The following LZTS1 variants were observed in gnomAD, a reference collection of about 807,000 sequenced individuals.
The protein encoded by LZTS1 is leucine zipper putative tumor suppressor 1.
A neutral mutation model predicts 45.8 loss-of-function variants in LZTS1; 31 were observed. The observed-to-expected ratio is 0.68, with a 90% CI of 0.51 to 0.91. The LOEUF is 0.91. Ranked by LOEUF, LZTS1 falls within the 40% of genes least tolerant of loss-of-function variation. The pLI is 0.00. For synonymous variants in LZTS1, 359 were observed against 357.3 expected, an observed-to-expected ratio of 1.00 and a Z score of -0.05; for missense variants, 821 against 788.9, an observed-to-expected ratio of 1.04 and a Z score of -0.49.
At chr8:20,295,504 C>T (rs574616023) in intron 1 of LZTS1, among the ~76,000 whole-genome samples, 7 of 152,302 alleles carry the variant, frequency 4.6e-5, no homozygotes, top group East Asian at 3.9e-4. Flanking sequence ...TGGGCCTTAG[C>T]GCCATCCATC....
At position 20,255,196 on chromosome 8, in the gene LZTS1, G is replaced by A. The variant is rs750096933; in HGVS notation, c.-15C>T. 2.5e-6 allele frequency: 4 copies of A among 1,605,048 alleles called. No homozygotes were observed. The highest frequency in any genetic ancestry group is 2.2e-5 in the East Asian group (1 of 44,798). The stretch of plus-strand genomic sequence containing the variant: ...ACGCTGCCCATGGTGACTCGGGGCT[G>A]AGGATGGGGCAGGGCCGGGCAGGGT... On this transcript the variant is annotated 5_prime_UTR_variant, in exon 2 of 4. Coordinates refer to ENST00000381569, the MANE Select transcript of LZTS1 (RefSeq NM_021020.5).
chr8:20,269,475 T>G (rs182350584), intron 1 of LZTS1, among the ~76,000 whole-genome samples: 1 of 152,288 alleles, frequency 6.6e-6, no homozygotes, highest in East Asian at 1.9e-4. Flanking sequence ...TGGGCACCCC[T>G]GGAAGGTGAA....
intron 1 of LZTS1, among the ~76,000 whole-genome samples, chr8:20,274,566 G>T (rs764381175): frequency 1.1e-4 from 17 of 152,180 alleles, no homozygotes; most frequent in Non-Finnish European, 2.2e-4. Flanking sequence ...GGGCCTGAGT[G>T]TTAGACCCCC....
At chr8:20,273,780 T>A (rs80279935) in intron 1 of LZTS1, among the ~76,000 whole-genome samples, 1,015 of 36,016 alleles carry the variant, frequency 0.028, 11 homozygotes, top group South Asian at 0.09. Flanking sequence ...TTATATTTGT[T>A]TTTTTTTTTC....
At chr8:20,286,711 A>G (rs66746853) in intron 1 of LZTS1, among the ~76,000 whole-genome samples, 53,527 of 152,116 alleles carry the variant, frequency 0.35, 10,241 homozygotes, top group Admixed American at 0.46. Context: ...AAGAGTCCCA[A>G]ACTCAAAATA....
chr8:20,291,176 A>C (rs1055970613), intron 1 of LZTS1, among the ~76,000 whole-genome samples: 2 of 152,218 alleles, frequency 1.3e-5, no homozygotes, highest in Non-Finnish European at 2.9e-5. Flanking sequence ...ATAGATGGAG[A>C]TCCAGAGTGA....
At chr8:20,252,012 C>T (rs553324729) in intron 3 of LZTS1, among the ~76,000 whole-genome samples, 6 of 152,198 alleles carry the variant, frequency 3.9e-5, no homozygotes, top group Admixed American at 6.5e-5. Flanking sequence ...GAGGCAGGCA[C>T]GTGGACAGAC....
intron 1 of LZTS1, among the ~76,000 whole-genome samples, chr8:20,258,589 T>G (rs7828160): frequency 6.6e-6 from 1 of 152,160 alleles, no homozygotes; most frequent in Non-Finnish European, 1.5e-5. Context: ...AAGCTTTTAT[T>G]GAATTGATGG....
intron 1 of LZTS1, among the ~76,000 whole-genome samples, chr8:20,291,136 A>G (rs1403081288): frequency 5.3e-5 from 8 of 152,240 alleles, no homozygotes; most frequent in East Asian, 1.9e-4. Flanking sequence ...ATAGGCTTTC[A>G]ATCTATTTTA....
intron 1 of LZTS1, among the ~76,000 whole-genome samples, chr8:20,284,698 A>G (rs889771256): frequency 2.6e-5 from 4 of 151,838 alleles, no homozygotes; most frequent in Admixed American, 1.3e-4. Context: ...TCTGCTCCCT[A>G]CCTTGGGGCC....
intron 1 of LZTS1, among the ~76,000 whole-genome samples, chr8:20,274,571 AC>A (rs1289346763): frequency 1.1e-4 from 16 of 151,924 alleles, no homozygotes; most frequent in Admixed American, 1.1e-3. Flanking sequence ...TGAGTGTTAG[AC>A]CCCCCTTATG....
At position 20,265,857 on chromosome 8, in the gene LZTS1, T is replaced by A. The variant is rs142832626; in HGVS notation, c.-134-10542A>T. 5.0e-3 allele frequency among the ~76,000 whole-genome samples: 766 copies of A among 152,078 alleles called. 1 individual carries two copies. The highest frequency in any genetic ancestry group is 9.1e-3 in the Non-Finnish European group (616 of 67,992). On this transcript the variant is annotated intron_variant, in intron 1 of 3. Coordinates refer to ENST00000381569, the MANE Select transcript of LZTS1 (RefSeq NM_021020.5). Reference sequence around the variant, plus strand: ...CCACAGTTGCTCCTCAGTGCTCAGCTCCCTTGGCCCTCAGCCTGCACAGCT... The same window carrying A: ...CCACAGTTGCTCCTCAGTGCTCAGCACCCTTGGCCCTCAGCCTGCACAGCT...
chr8:20,277,371 T>C (rs768228481), intron 1 of LZTS1, among the ~76,000 whole-genome samples: 3 of 152,212 alleles, frequency 2.0e-5, no homozygotes, highest in African/African-American at 7.2e-5. Flanking sequence ...CCCCTTTTTT[T>C]AGCATATAAT....
At chr8:20,255,395 G>T (rs1800073792) in intron 1 of LZTS1, 80 bp from the exon 2 acceptor site, 1 of 1,039,764 alleles carries the variant, frequency 9.6e-7, no homozygotes, top group Admixed American at 3.0e-5. Context: ...CCAGATCTGG[G>T]CAGTAGAGAA....
intron 1 of LZTS1, among the ~76,000 whole-genome samples, chr8:20,281,431 C>T (rs1021893294): frequency 2.6e-5 from 4 of 151,600 alleles, no homozygotes; most frequent in East Asian, 1.9e-4. Context: ...AAATTAGCTG[C>T]GCATTGTGGT....
intron 1 of LZTS1, among the ~76,000 whole-genome samples, chr8:20,266,544 G>C (rs946647840): frequency 1.3e-5 from 2 of 151,820 alleles, no homozygotes; most frequent in Non-Finnish European, 2.9e-5. Context: ...TCACCTGGGG[G>C]AAGTGCATCC....
chr8:20,268,603 C>G (rs1010035275), intron 1 of LZTS1, among the ~76,000 whole-genome samples: 2 of 152,148 alleles, frequency 1.3e-5, no homozygotes, highest in Non-Finnish European at 1.5e-5. Flanking sequence ...CAAACCTCCC[C>G]GTGCTCAGTT....
intron 1 of LZTS1, among the ~76,000 whole-genome samples, chr8:20,258,767 T>C (rs1800163451): frequency 6.6e-6 from 1 of 152,324 alleles, no homozygotes; most frequent in South Asian, 2.1e-4. Flanking sequence ...CTGTTACTTA[T>C]ATTGTGACCA....
At chr8:20,250,814 A>T (rs1799875204) in intron 3 of LZTS1, among the ~76,000 whole-genome samples, 1 of 151,726 alleles carries the variant, frequency 6.6e-6, no homozygotes, top group Non-Finnish European at 1.5e-5. Flanking sequence ...GGCCAGGCTG[A>T]TCTCGAATTC....
Sources: allele counts gnomAD v4.1 joint callset (sites outside exome capture counted in the v4.1 genomes callset), GRCh38; gene constraint gnomAD v4.1.1; transcripts MANE v1.5; gene names NCBI Gene and HGNC (gene_info 2026-07-23, HGNC 2026-07-21).